The following INO80 variants were observed in gnomAD, a reference collection of about 807,000 sequenced individuals.
INO80 encodes the protein INO80 complex ATPase subunit.
A neutral mutation model predicts 203.4 loss-of-function variants in INO80; 20 were observed. The ratio of observed to expected loss-of-function variants is 0.10; its 90% CI spans 0.07 to 0.14. INO80 has a LOEUF of 0.14. INO80 is among the 10% of genes least tolerant of loss of function. The probability of loss-of-function intolerance (pLI) is 1.00; values close to 1 mark genes in which losing one functional copy is unlikely to be tolerated. For missense variants in INO80, 1,419 were observed against 1,914.4 expected, an observed-to-expected ratio of 0.74 and a Z score of 4.83; for synonymous variants, 726 against 685.2, an observed-to-expected ratio of 1.06 and a Z score of -0.93.
At chr15:41,043,044 A>G (rs949283787) in intron 24 of INO80, among the ~76,000 whole-genome samples, 42 of 152,318 alleles carry the variant, frequency 2.8e-4, no homozygotes, top group Admixed American at 9.2e-4. Context: ...AGTTTCCCAT[A>G]AAGCATACTA....
intron 7 of INO80, among the ~76,000 whole-genome samples, chr15:41,083,810 C>T (rs1262823559): frequency 6.6e-6 from 1 of 151,848 alleles, no homozygotes; most frequent in East Asian, 1.9e-4. Flanking sequence ...AGATGCAGAT[C>T]TAGTTTTATC....
chr15:41,002,325 A>G (rs1412763622), intron 28 of INO80, among the ~76,000 whole-genome samples: 1 of 152,228 alleles, frequency 6.6e-6, no homozygotes, highest in Non-Finnish European at 1.5e-5. Context: ...ACTCTTTTAG[A>G]GCTAAACTTT....
At chr15:41,107,414 T>C (rs1384347895) in intron 1 of INO80, among the ~76,000 whole-genome samples, 5 of 152,022 alleles carry the variant, frequency 3.3e-5, no homozygotes, top group Non-Finnish European at 7.4e-5. Context: ...GGCAGGAGAA[T>C]TGCTTGAACC....
At chr15:41,080,917 T>G (rs2045475926) in intron 8 of INO80, 103 bp downstream of exon 8, 1 of 746,186 alleles carries the variant, frequency 1.3e-6, no homozygotes, top group Admixed American at 2.2e-5. Flanking sequence ...ATTAGATTCA[T>G]GATCAACAGG....
chr15:41,044,973 G>A lies in INO80; in HGVS notation c.2838C>T (p.Asn946=). 6.2e-7 allele frequency: 1 copy of A among 1,614,048 alleles called. No homozygotes were observed. The highest frequency in any genetic ancestry group is 2.2e-5 in the East Asian group (1 of 44,874). ...EGESHQRYLR[N]KDFLLGVNFP... ...AATTAACCCCAAGAAGGAAATCCTT[G>A]TTCCTCAGGTATCTCTGGTGGCTCT... Residue 946 remains asparagine (N), a synonymous_variant, in exon 24 of 36, where the codon AAC becomes AAT. Transcript: ENST00000648947.
Position 41,074,565 on chromosome 15 carries a change from C to T in INO80, c.1132G>A (p.Ala378Thr), listed in dbSNP as rs1352941768. The part of the protein sequence containing the change: ...QRKLDEEMRE[A>T]KRQQRKLNFL... The stretch of plus-strand genomic sequence containing the variant: ...TTGAGTTTTCGCTGTTGCCTCTTGG[C>T]CTAAAGAGGGAAAAAAGTGAAAACA... The change falls in exon 10 of 36, where the codon GCC (alanine) becomes ACC (threonine). Residue 378 changes from alanine to threonine, a missense_variant and splice_region_variant. Transcript: ENST00000648947. 1 of 1,593,688 alleles carries T rather than the reference C, an allele frequency of 6.3e-7. No individual in the cohort carries two copies.
intron 1 of INO80, among the ~76,000 whole-genome samples, chr15:41,099,925 T>C (rs927533600): frequency 3.3e-5 from 5 of 152,180 alleles, no homozygotes; most frequent in African/African-American, 1.2e-4. Flanking sequence ...GATACATGTA[T>C]AAATGTAAAA....
chr15:41,015,968 A>G (rs1405959152), intron 27 of INO80, 120 bp downstream of exon 27: 4 of 799,978 alleles, frequency 5.0e-6, no homozygotes, highest in Non-Finnish European at 5.9e-6. Context: ...AAGGAAAAAG[A>G]AAAAAGACAA....
At chr15:41,082,424 G>A (rs1268175495) in intron 7 of INO80, among the ~76,000 whole-genome samples, 2 of 151,946 alleles carry the variant, frequency 1.3e-5, no homozygotes, top group Non-Finnish European at 2.9e-5. Context: ...AATTGGGCCG[G>A]GCGTGGTGGC....
chr15:41,087,719 A>G, intron 5 of INO80, 37 bp from the exon 6 acceptor site: 4 of 1,579,676 alleles, frequency 2.5e-6, no homozygotes, highest in Non-Finnish European at 3.4e-6. Context: ...CCTGTTTTCT[A>G]TAGTACAGCT....
chr15:41,095,282 A>G (rs756780846), intron 4 of INO80, among the ~76,000 whole-genome samples: 4 of 152,234 alleles, frequency 2.6e-5, no homozygotes, highest in Non-Finnish European at 5.9e-5. Flanking sequence ...CGGAGGTTGC[A>G]GTGAGCTGAG....
At chr15:40,984,473 AT>A in intron 32 of INO80, 121 bp from the exon 33 acceptor site, 1 of 887,350 alleles carries the variant, frequency 1.1e-6, no homozygotes, top group Non-Finnish European at 1.7e-6. Flanking sequence ...CTCAATTAGC[AT>A]ATTTTTACGG....
At chr15:41,085,246 CA>C in intron 7 of INO80, 122 bp downstream of exon 7, 1 of 838,064 alleles carries the variant, frequency 1.2e-6, no homozygotes. Context: ...TTCTTGATTC[CA>C]ACAGATTAGT....
intron 1 of INO80, among the ~76,000 whole-genome samples, chr15:41,101,570 GAC>G (rs2045807761): frequency 6.9e-6 from 1 of 145,174 alleles, no homozygotes; most frequent in Non-Finnish European, 1.5e-5. Context: ...TTTTTTTTGA[GAC>G]AGAGTCTTGC....
intron 14 of INO80, 107 bp from the exon 15 acceptor site, chr15:41,060,033 T>C (rs1566933086): frequency 8.2e-6 from 6 of 733,570 alleles, no homozygotes; most frequent in South Asian, 2.2e-5. Flanking sequence ...AAAATGAGCA[T>C]AGGAATTCCT....
chr15:41,048,235 T>C lies in INO80; in HGVS notation c.2618A>G (p.Gln873Arg). 6.2e-7 allele frequency: 1 copy of C among 1,613,494 alleles called. No homozygotes were observed. The highest frequency in any genetic ancestry group is 1.1e-5 in the South Asian group (1 of 91,048). The change falls in exon 22 of 36, where the codon CAA becomes CGA. Residue 873 changes from glutamine to arginine, a missense_variant. Gln to Arg is a conservative substitution (Grantham distance 43, BLOSUM62 1). This residue lies in a region of INO80 where 302 missense variants were observed against 345.4 expected (regional missense o/e 0.87). Transcript: ENST00000648947. ...VLSPFAPDYI[Q>R]RSLFHRKGIN... ...ACCTTTTCTGTGAAAGAGAGACCGT[T>C]GGATATAGTCTGGTGCAAATGGAGA...
intron 14 of INO80, among the ~76,000 whole-genome samples, chr15:41,066,831 G>GAAAAAAAAAAAAGAAAAAAAAA (rs1566935870): frequency 1.2e-5 from 1 of 85,730 alleles, no homozygotes; most frequent in Non-Finnish European, 2.3e-5. Flanking sequence ...ATGTCTCTAA[G>GAAAAAAAAAAAAGAAAAAAAAA]AAAAAAAAAA....
chr15:41,096,024 GAAAT>G (rs1215370620), intron 2 of INO80, 96 bp from the exon 3 acceptor site: 1 of 1,408,540 alleles, frequency 7.1e-7, no homozygotes, highest in African/African-American at 1.4e-5. Context: ...CTGTTCCTCT[GAAAT>G]AAATTGACTT....
intron 1 of INO80, among the ~76,000 whole-genome samples, chr15:41,107,386 G>A (rs1461685689): frequency 2.6e-5 from 4 of 151,640 alleles, no homozygotes; most frequent in East Asian, 1.9e-4. Context: ...CTGCAATCCC[G>A]GCTACTTCGG....
Sources: allele counts gnomAD v4.1 joint callset (sites outside exome capture counted in the v4.1 genomes callset), GRCh38; gene constraint gnomAD v4.1.1; regional missense constraint gnomAD v4.1.1; transcripts MANE v1.5; gene names NCBI Gene and HGNC (gene_info 2026-07-23, HGNC 2026-07-21).